Variants in NRG3 observed in about 807,000 individuals in gnomAD.
NRG3 encodes the protein neuregulin 3, also known as pro-neuregulin-3, membrane-bound isoform.
NRG3 carries 31 observed loss-of-function variants against 66.9 expected under a neutral mutation model. The ratio of observed to expected loss-of-function variants is 0.46; its 90% CI spans 0.35 to 0.63. The LOEUF (loss-of-function observed/expected upper bound fraction) is 0.63. NRG3 is among the 20% of genes least tolerant of loss of function. The pLI, the probability that NRG3 is intolerant of heterozygous loss-of-function variation, is 0.00. For missense variants in NRG3, 910 were observed against 878.9 expected (o/e 1.04, Z -0.45); for synonymous variants, 393 against 359.4 (o/e 1.09, Z -1.06).
At chr10:81,923,649 G>A (rs1425427323) in intron 1 of NRG3, among the ~76,000 whole-genome samples, 8 of 152,084 alleles carry the variant, frequency 5.3e-5, no homozygotes, top group Non-Finnish European at 8.8e-5. Context: ...CCTCAGCCTG[G>A]GGTGCTGTCA....
chr10:82,891,966 T>A (rs1047412756), intron 4 of NRG3, among the ~76,000 whole-genome samples: 2 of 152,046 alleles, frequency 1.3e-5, no homozygotes, highest in East Asian at 1.9e-4. Context: ...ATCAAAAAAA[T>A]TTTAAAAATT....
chr10:82,615,586 A>T (rs1477034016), intron 2 of NRG3, among the ~76,000 whole-genome samples: 1 of 152,202 alleles, frequency 6.6e-6, no homozygotes, highest in Non-Finnish European at 1.5e-5. Flanking sequence ...AATCTATTCT[A>T]GGCAAATGTT....
At chr10:82,879,511 C>T (rs1591812756) in intron 4 of NRG3, among the ~76,000 whole-genome samples, 1 of 133,776 alleles carries the variant, frequency 7.5e-6, no homozygotes, top group Admixed American at 8.2e-5. Context: ...CTCCCTCTGT[C>T]GCCCAGGCTG....
rs56284964 is a variant in NRG3, at chr10:82,187,958, GAA to G, written c.824-170771_824-170770del. On this transcript the variant is annotated intron_variant, in intron 1 of 8. Coordinates refer to ENST00000372141, the MANE Select transcript of NRG3 (RefSeq NM_001010848.4). ...ACCAATGACAGTCTTCACAGAAATA[GAA>G]AAAAAAAAACGTAAAATGTATATGG... Among the ~76,000 whole-genome samples the G allele has an allele frequency of 1.2e-3, 183 of 148,464 alleles. 1 individual carries two copies. Among genetic ancestry groups the G allele is most frequent in the African/African-American group, 3.7e-3 (147 of 40,240 alleles).
At chr10:82,774,661 C>CT (rs1160231142) in intron 3 of NRG3, among the ~76,000 whole-genome samples, 4 of 151,470 alleles carry the variant, frequency 2.6e-5, no homozygotes, top group Non-Finnish European at 4.4e-5. Context: ...AGTCTTCACT[C>CT]TTTTTTTCTT....
At chr10:81,919,459 G>A (rs900758785) in intron 1 of NRG3, among the ~76,000 whole-genome samples, 1 of 152,106 alleles carries the variant, frequency 6.6e-6, no homozygotes, top group Non-Finnish European at 1.5e-5. Flanking sequence ...ATTACAGCAT[G>A]TATTATGAAC....
intron 2 of NRG3, among the ~76,000 whole-genome samples, chr10:82,694,375 T>G (rs1431172335): frequency 6.6e-6 from 1 of 152,168 alleles, no homozygotes; most frequent in African/African-American, 2.4e-5. Flanking sequence ...TTTTAAAAAT[T>G]TGGGCAGATT....
chr10:82,312,530 G>A (rs750996765), intron 1 of NRG3, among the ~76,000 whole-genome samples: 2 of 152,136 alleles, frequency 1.3e-5, no homozygotes, highest in Non-Finnish European at 2.9e-5. Context: ...GTGAAAGTTT[G>A]GGCCTGAAAG....
chr10:82,583,339 T>C (rs1271774729), intron 2 of NRG3, among the ~76,000 whole-genome samples: 1 of 152,184 alleles, frequency 6.6e-6, no homozygotes, highest in African/African-American at 2.4e-5. Flanking sequence ...AAGTGAATTT[T>C]CTCCACTAAT....
intron 1 of NRG3, among the ~76,000 whole-genome samples, chr10:82,356,471 T>G (rs1233276814): frequency 6.6e-6 from 1 of 152,208 alleles, no homozygotes; most frequent in Non-Finnish European, 1.5e-5. Flanking sequence ...GCTCTTGAAT[T>G]TTAAATATTT....
intron 3 of NRG3, among the ~76,000 whole-genome samples, chr10:82,753,723 C>A (rs1408587906): frequency 6.6e-6 from 1 of 151,758 alleles, no homozygotes; most frequent in African/African-American, 2.4e-5. Context: ...CTGAGGTGGG[C>A]AGATCATGAG....
At chr10:82,195,621 C>G (rs1222410537) in intron 1 of NRG3, among the ~76,000 whole-genome samples, 60 of 152,226 alleles carry the variant, frequency 3.9e-4, no homozygotes, top group African/African-American at 1.4e-3. Context: ...CCACAGATAC[C>G]CATGCCCCAA....
At chr10:82,684,159 G>C (rs972273136) in intron 2 of NRG3, among the ~76,000 whole-genome samples, 5 of 152,128 alleles carry the variant, frequency 3.3e-5, no homozygotes, top group African/African-American at 9.7e-5. Context: ...ATACAGATAC[G>C]GAGATTAAAG....
intron 3 of NRG3, among the ~76,000 whole-genome samples, chr10:82,752,984 A>G (rs2058934188): frequency 6.6e-6 from 1 of 152,202 alleles, no homozygotes; most frequent in African/African-American, 2.4e-5. Flanking sequence ...TTTGCTGTTT[A>G]AATTATGCTA....
intron 3 of NRG3, among the ~76,000 whole-genome samples, chr10:82,746,360 C>T (rs1041856866): frequency 2.0e-5 from 3 of 152,134 alleles, no homozygotes; most frequent in Non-Finnish European, 4.4e-5. Flanking sequence ...CCACTCTACC[C>T]GGGAAGAGGA....
At chr10:82,224,119 A>T (rs1311559863) in intron 1 of NRG3, 1 of 152,224 alleles carries the variant, frequency 6.6e-6, no homozygotes, top group African/African-American at 2.4e-5. Context: ...ACAATTGTGT[A>T]TTTATTTACA....
chr10:82,786,296 G>C lies in NRG3; in HGVS notation c.1027+47646G>C, dbSNP rs1591522691. Among the ~76,000 whole-genome samples the C allele has an allele frequency of 2.0e-5, 3 of 152,288 alleles. No homozygotes were observed. The South Asian group carries it at 6.2e-4, about 32-fold the overall frequency. ...AACCCTAGGGACAGGGCTTCATGAG[G>C]ATGTGGGGTCCCACTGCCTTCCCAT... On this transcript the variant is annotated intron_variant, in intron 3 of 8. Coordinates refer to ENST00000372141, the MANE Select transcript of NRG3 (RefSeq NM_001010848.4).
At chr10:82,310,289 G>A (rs572624773) in intron 1 of NRG3, among the ~76,000 whole-genome samples, 8 of 152,316 alleles carry the variant, frequency 5.3e-5, no homozygotes, top group African/African-American at 1.9e-4. Flanking sequence ...TTCCGAGTAA[G>A]TCCAAGAGGT....
At chr10:81,954,403 A>G (rs368403062) in intron 1 of NRG3, among the ~76,000 whole-genome samples, 2 of 152,180 alleles carry the variant, frequency 1.3e-5, no homozygotes, top group East Asian at 1.9e-4. Flanking sequence ...GATTGCATGC[A>G]ATGGATGCTT....
Sources: allele counts gnomAD v4.1 joint callset (sites outside exome capture counted in the v4.1 genomes callset), GRCh38; gene constraint gnomAD v4.1.1; transcripts MANE v1.5; gene names NCBI Gene and HGNC (gene_info 2026-07-23, HGNC 2026-07-21).